The following CASS4 variants were observed in gnomAD, a reference collection of about 807,000 sequenced individuals.
CASS4 encodes the protein cas scaffolding protein family member 4.
A neutral mutation model predicts 54.2 loss-of-function variants in CASS4; 22 were observed. That is an observed-to-expected ratio of 0.41 (90% CI 0.29 to 0.58). CASS4 has a LOEUF of 0.58. CASS4 is among the 20% of genes least tolerant of loss of function. CASS4 has a pLI of 0.36. For missense variants in CASS4, 854 were observed against 986.7 expected (o/e 0.87, Z 1.80); for synonymous variants, 409 against 391.5 (o/e 1.04, Z -0.53).
At chr20:56,442,705 A>C (rs949583403) in intron 2 of CASS4, among the ~76,000 whole-genome samples, 9 of 151,750 alleles carry the variant, frequency 5.9e-5, no homozygotes, top group African/African-American at 2.2e-4. Context: ...ATTTGATTTC[A>C]GTTTAAATTC....
At chr20:56,441,601 G>A (rs1027568098) in intron 2 of CASS4, among the ~76,000 whole-genome samples, 2 of 151,916 alleles carry the variant, frequency 1.3e-5, no homozygotes, top group African/African-American at 4.8e-5. Flanking sequence ...GGAAAACTCC[G>A]TCTCAAAAAA....
At chr20:56,440,181 C>T (rs74753154) in intron 2 of CASS4, among the ~76,000 whole-genome samples, 22,171 of 152,192 alleles carry the variant, frequency 0.15, 1,666 homozygotes, top group East Asian at 0.17. Flanking sequence ...AAGCTGGTGG[C>T]GCCTTCTGAA....
In CASS4 at chr20:56,437,442, C is replaced by A; in HGVS notation, c.315C>A (p.Arg105=). 1 of 1,613,992 alleles carries A rather than the reference C, an allele frequency of 6.2e-7. No homozygotes were observed. The highest frequency in any genetic ancestry group is 8.5e-7 in the Non-Finnish European group (1 of 1,179,900). ...CCTATCAGGTGCCCACTCTACCCCGCCCTCCCACTCCAGGCCCCGTTTATG... is the reference window on the plus strand; with the variant it reads ...CCTATCAGGTGCCCACTCTACCCCGACCTCCCACTCCAGGCCCCGTTTATG... ...EETYQVPTLP[R]PPTPGPVYEQ... The change falls in exon 2 of 6, where the codon CGC becomes CGA. Residue 105 remains arginine (R), a synonymous_variant. Transcript: ENST00000679887. The surrounding 1 kb of genome is among the most constrained non-coding windows in gnomAD (Gnocchi z 4.7).
intron 1 of CASS4, among the ~76,000 whole-genome samples, chr20:56,428,439 CGTT>C (rs1261629152): frequency 2.0e-5 from 3 of 152,184 alleles, no homozygotes; most frequent in Admixed American, 1.3e-4. Context: ...TGACTATTAA[CGTT>C]GAGTTTGCAA....
intron 1 of CASS4, among the ~76,000 whole-genome samples, chr20:56,422,880 C>G (rs1979474023): frequency 6.6e-6 from 1 of 152,228 alleles, no homozygotes; most frequent in Non-Finnish European, 1.5e-5. Flanking sequence ...CTCCTCATAT[C>G]CAAGTTCACC....
rs1981515332 is a variant in CASS4, at chr20:56,459,785, T to G, written c.*1038T>G. ...TTCCTGGCATGTACGTGTTTTAAAT[T>G]CACTCATTTAACACTTATGTATTGG... On this transcript the variant is annotated 3_prime_UTR_variant, in exon 6 of 6. Coordinates refer to ENST00000679887, the MANE Select transcript of CASS4 (RefSeq NM_020356.4). The G allele has an allele frequency of 6.6e-6, 1 of 152,654 alleles. No homozygotes were observed. The highest frequency in any genetic ancestry group is 1.5e-5 in the Non-Finnish European group (1 of 68,386). 9.5% of individuals were successfully genotyped at this position (152,654 alleles called of 1,614,324 possible).
chr20:56,436,247 C>T (rs1047082416), intron 1 of CASS4, among the ~76,000 whole-genome samples: 11 of 151,658 alleles, frequency 7.3e-5, no homozygotes, highest in Admixed American at 5.3e-4. Context: ...GCTGCCTGTA[C>T]CAAGTACTTA....
intron 5 of CASS4, among the ~76,000 whole-genome samples, chr20:56,457,628 C>A (rs1981362977): frequency 6.6e-6 from 1 of 152,106 alleles, no homozygotes. Flanking sequence ...ATCTCTGATA[C>A]TGAAATCAGA....
In CASS4 at chr20:56,430,658, T is replaced by C. The variant is rs1979859426; in HGVS notation, c.37-6506T>C. On this transcript the variant is annotated intron_variant, in intron 1 of 5. Transcript: ENST00000679887. The surrounding 1 kb of genome is among the most constrained non-coding windows in gnomAD (Gnocchi z 4.2). ...GTGCAGGATGAGTGCTGGCTGCTGCTATTGCAATGTCCAGTGCTCCCTGCA... is the reference window on the plus strand; with the variant it reads ...GTGCAGGATGAGTGCTGGCTGCTGCCATTGCAATGTCCAGTGCTCCCTGCA... Among the ~76,000 whole-genome samples, 1 of 152,128 alleles carries C rather than the reference T, an allele frequency of 6.6e-6. No individual in the cohort carries two copies. The highest frequency in any genetic ancestry group is 6.6e-5 in the Admixed American group (1 of 15,266).
At chr20:56,435,315 G>A (rs1307273195) in intron 1 of CASS4, among the ~76,000 whole-genome samples, 2 of 56,102 alleles carry the variant, frequency 3.6e-5, no homozygotes, top group Non-Finnish European at 5.8e-5. Flanking sequence ...ATTTATGAAA[G>A]TATGAACAAA....
chr20:56,445,996 C>G lies in CASS4; in HGVS notation c.556C>G (p.Leu186Val), dbSNP rs1427707842. ...VPTQHRGPVV[L>V]KEPEKQQLYD... ...TACCCAGCACCGGGGCCCCGTGGTC[C>G]TGAAGGTGAGCCTTGTTCAGGGGCC... Residue 186 changes from leucine to valine, a missense_variant, in exon 3 of 6, where the codon CTG becomes GTG. Physicochemically the swap from Leu to Val is conservative, Grantham distance 32. Coordinates refer to ENST00000679887, the MANE Select transcript of CASS4 (RefSeq NM_020356.4). 1 of 1,612,232 alleles carries G rather than the reference C, an allele frequency of 6.2e-7. No homozygotes were observed. The highest frequency in any genetic ancestry group is 1.3e-5 in the African/African-American group (1 of 74,496).
chr20:56,418,075 A>AATAACTAT (rs1979231007), intron 1 of CASS4, among the ~76,000 whole-genome samples: 1 of 152,180 alleles, frequency 6.6e-6, no homozygotes, highest in Admixed American at 6.5e-5. Flanking sequence ...CCGGGGGTTC[A>AATAACTAT]GGGTGATCAA....
chr20:56,427,979 C>T (rs1268354444), intron 1 of CASS4, among the ~76,000 whole-genome samples: 2 of 152,304 alleles, frequency 1.3e-5, no homozygotes, highest in Non-Finnish European at 2.9e-5. Context: ...GAGCAGGGGC[C>T]TAGACATCAC....
At position 56,413,166 on chromosome 20, in the gene CASS4, A is replaced by G. The variant is rs115434949; in HGVS notation, c.36+672A>G. ...AGCCTGGGCAACATAGCGAGACCCC[A>G]TCTTAAAAAAAAAAAAAAGAAAAGA... On this transcript the variant is annotated intron_variant, in intron 1 of 5. Coordinates refer to ENST00000679887, the MANE Select transcript of CASS4 (RefSeq NM_020356.4). 6.2e-3 allele frequency among the ~76,000 whole-genome samples: 926 copies of G among 150,494 alleles called. 7 individuals carry two copies. Among genetic ancestry groups the G allele is most frequent in the African/African-American group, 0.021 (876 of 40,834 alleles).
At chr20:56,432,995 TGGG>T (rs1979988075) in intron 1 of CASS4, among the ~76,000 whole-genome samples, 1 of 152,158 alleles carries the variant, frequency 6.6e-6, no homozygotes, top group African/African-American at 2.4e-5. Context: ...GACTTGAAAA[TGGG>T]GGCGTTATGT....
rs764510496 is a variant in CASS4, at chr20:56,452,955, A to G, written c.1779A>G (p.Glu593=). 3.1e-6 allele frequency: 5 copies of G among 1,614,002 alleles called. No homozygotes were observed. The South Asian group carries it at 5.5e-5, about 18-fold the overall frequency. ...NGRLLFKRNC[E]KEETVQLTPN... is the part of the protein sequence containing the mutation. ...GGCTCCTTTTTAAGCGGAACTGTGA[A>G]AAGGAAGAGACTGTGCAGTTGACCC... is the stretch of plus-strand genomic sequence containing the variant. The change falls in exon 5 of 6, where the codon GAA becomes GAG. Residue 593 remains glutamate, a synonymous_variant. Coordinates refer to ENST00000679887, the MANE Select transcript of CASS4 (RefSeq NM_020356.4).
intron 1 of CASS4, among the ~76,000 whole-genome samples, chr20:56,415,914 G>A (rs1671610172): frequency 6.6e-6 from 1 of 152,174 alleles, no homozygotes; most frequent in African/African-American, 2.4e-5. Flanking sequence ...ATAGAACAAG[G>A]CGAAATTTTT....
intron 5 of CASS4, among the ~76,000 whole-genome samples, chr20:56,456,213 T>C (rs1981286154): frequency 6.6e-6 from 1 of 152,026 alleles, no homozygotes; most frequent in Non-Finnish European, 1.5e-5. Flanking sequence ...GCTCACTGCC[T>C]ATAGAAGTCC....
In CASS4 at chr20:56,459,554, C is replaced by T. The variant is rs780914643; in HGVS notation, c.*807C>T. The T allele has an allele frequency of 1.4e-5, 3 of 216,844 alleles. No individual in the cohort carries two copies. In the Admixed American group the frequency reaches 1.5e-4, roughly 11 times the overall value. 13.4% of individuals were successfully genotyped at this position (216,844 alleles called of 1,614,324 possible). On this transcript the variant is annotated 3_prime_UTR_variant, in exon 6 of 6. Transcript: ENST00000679887. ...GTTTTAATTTCTCGGTCAGGAATCA[C>T]TTAATCCTGGAAGTCTTATGAGAAG...
Sources: gnomAD v4.1 joint callset for allele counts (sites outside exome capture counted in the v4.1 genomes callset) on GRCh38, gnomAD v4.1.1 for gene constraint, Gnocchi (gnomAD v3.1) non-coding constraint, MANE v1.5 for transcripts, NCBI Gene and HGNC (gene_info 2026-07-23, HGNC 2026-07-21) for gene names.